Variants in CRB1 observed in about 807,000 individuals in gnomAD.
CRB1 encodes crumbs cell polarity complex component 1, also known as protein crumbs homolog 1.
In CRB1, 83 loss-of-function variants were observed where a neutral mutation model predicts 120.0. The ratio of observed to expected loss-of-function variants is 0.69; its 90% CI spans 0.58 to 0.83. The LOEUF (loss-of-function observed/expected upper bound fraction) is 0.83, where lower values mean the gene tolerates loss of function less well. Among genes scored for constraint, CRB1 ranks in the 40% least tolerant of loss-of-function variants. The pLI, the probability that CRB1 is intolerant of heterozygous loss-of-function variation, is 0.00. For synonymous variants in CRB1, 625 were observed against 612.5 expected (o/e 1.02, Z -0.30); for missense variants, 1,699 against 1,687.6 (o/e 1.01, Z -0.12).
chr1:197,362,368 A>G (rs1230462888), intron 5 of CRB1, among the ~76,000 whole-genome samples: 1 of 152,138 alleles, frequency 6.6e-6, no homozygotes, highest in Non-Finnish European at 1.5e-5. Flanking sequence ...ATATATGTCA[A>G]TTAAATCCCA....
At chr1:197,292,421 C>G (rs965672407) in intron 1 of CRB1, among the ~76,000 whole-genome samples, 9 of 151,140 alleles carry the variant, frequency 6.0e-5, no homozygotes, top group African/African-American at 2.2e-4. Flanking sequence ...TAATTAATAG[C>G]CTACCACCCA....
intron 1 of CRB1, among the ~76,000 whole-genome samples, chr1:197,278,991 G>C (rs569733225): frequency 1.6e-3 from 238 of 152,004 alleles, no homozygotes; most frequent in Non-Finnish European, 2.6e-3. Flanking sequence ...TTCACATGTA[G>C]ATAGAGGTAG....
At chr1:197,363,945 G>A in intron 5 of CRB1, 1 of 1,329,006 alleles carries the variant, frequency 7.5e-7, no homozygotes, top group Non-Finnish European at 1.1e-6. Flanking sequence ...AGCTTCGGCG[G>A]TATTATGAGA....
rs867200737 is a variant in CRB1 at position 197,435,400 on chromosome 1, T to C, written c.3537T>C (p.Asp1179=). 3 of 1,606,502 alleles carry C rather than the reference T, an allele frequency of 1.9e-6. No individual in the cohort carries two copies. The highest frequency in any genetic ancestry group is 1.7e-4 in the Middle Eastern group (1 of 6,014). The change falls in exon 9 of 12, where the codon GAT becomes GAC. Residue 1179 remains aspartate (D), a synonymous_variant. Transcript: ENST00000367400. ...GGAAACACTGTGAACTCAACATCGA[T>C]GAATGCTTTTCAAACCCCTGTATCC... ...WSGKHCELNI[D]ECFSNPCIHG...
chr1:197,203,556 C>T, the CRB1 span, among the ~76,000 whole-genome samples: 1 of 152,128 alleles, frequency 6.6e-6, no homozygotes, highest in Non-Finnish European at 1.5e-5. Context: ...AACTCCTGAC[C>T]TCAGGTGATC....
At position 197,429,479 on chromosome 1, in the gene CRB1, C is replaced by T. The variant is rs1664767629; in HGVS notation, c.2707C>T (p.His903Tyr). The change falls in exon 8 of 12, where the codon CAT becomes TAT. Residue 903 changes from histidine to tyrosine, a missense_variant. By Grantham distance (83) the His-to-Tyr change is moderately conservative. Coordinates refer to ENST00000367400, the MANE Select transcript of CRB1 (RefSeq NM_201253.3). ...SNPCHNGGVC[H>Y]SRWDDFSCSC... ...CCCCTGTCACAATGGAGGTGTTTGC[C>T]ATTCCCGGTGGGATGACTTCTCCTG... The T allele has an allele frequency of 2.5e-6, 4 of 1,613,846 alleles. No homozygotes were observed. The East Asian group carries it at 8.9e-5, about 36-fold the overall frequency.
chr1:197,298,568 T>A (rs1297907947), intron 1 of CRB1, among the ~76,000 whole-genome samples: 1 of 152,002 alleles, frequency 6.6e-6, no homozygotes, highest in East Asian at 1.9e-4. Flanking sequence ...TAACAAAGAA[T>A]AAAACTGGCT....
intron 1 of CRB1, among the ~76,000 whole-genome samples, chr1:197,275,775 G>A (rs1234379008): frequency 6.6e-6 from 1 of 151,824 alleles, no homozygotes; most frequent in Non-Finnish European, 1.5e-5. Context: ...TTCACAAACT[G>A]CATTCATTAC....
At chr1:197,249,404 G>T in the CRB1 span, among the ~76,000 whole-genome samples, 1 of 151,910 alleles carries the variant, frequency 6.6e-6, no homozygotes, top group African/African-American at 2.4e-5. Flanking sequence ...CATTTTGAAA[G>T]ATATGCATGC....
chr1:197,310,353 C>T (rs1269731602), intron 1 of CRB1, among the ~76,000 whole-genome samples: 1 of 152,124 alleles, frequency 6.6e-6, no homozygotes, highest in African/African-American at 2.4e-5. Flanking sequence ...TTCGCCCTCA[C>T]CAAACCTATG....
intron 5 of CRB1, chr1:197,413,784 C>A: frequency 2.7e-6 from 1 of 370,470 alleles, no homozygotes. Context: ...ACTGATCCAG[C>A]TTGGAGGGAA....
At chr1:197,222,731 T>C in the CRB1 span, 1 of 869,882 alleles carries the variant, frequency 1.1e-6, no homozygotes, top group East Asian at 2.4e-5. Flanking sequence ...ATTCTCTGAG[T>C]AGGAACAATG....
intron 2 of CRB1, among the ~76,000 whole-genome samples, chr1:197,329,598 A>G (rs1198536564): frequency 2.0e-5 from 3 of 152,238 alleles, no homozygotes; most frequent in African/African-American, 7.2e-5. Flanking sequence ...TTTTAATAAT[A>G]AAGTAACAAG....
chr1:197,222,759 C>G, the CRB1 span: 4 of 1,060,990 alleles, frequency 3.8e-6, no homozygotes, highest in Non-Finnish European at 5.9e-6. Context: ...CTTGCTCTTT[C>G]TTTCTGAACT....
Position 197,268,256 on chromosome 1 carries a change from C to G in CRB1, c.-157C>G. 1 of 691,724 alleles carries G rather than the reference C, an allele frequency of 1.4e-6. No individual in the cohort carries two copies. Among genetic ancestry groups the G allele is most frequent in the Non-Finnish European group, 2.7e-6 (1 of 375,078 alleles). 42.8% of individuals were successfully genotyped at this position (691,724 alleles called of 1,614,324 possible). On this transcript the variant is annotated 5_prime_UTR_variant, in exon 1 of 12. Coordinates refer to ENST00000367400, the MANE Select transcript of CRB1 (RefSeq NM_201253.3). ...ACAAACTGCATTTTGAATCTAAGTCCCTGTATTTTCTGTGAAGGAGCTGTA... is the reference window on the plus strand; with the variant it reads ...ACAAACTGCATTTTGAATCTAAGTCGCTGTATTTTCTGTGAAGGAGCTGTA...
intron 5 of CRB1, among the ~76,000 whole-genome samples, chr1:197,385,820 C>G (rs527404484): frequency 1.3e-5 from 2 of 151,908 alleles, no homozygotes; most frequent in Admixed American, 1.3e-4. Context: ...TTAAGATTCT[C>G]TTTTTAATGA....
At chr1:197,323,203 G>A (rs1052352351) in intron 1 of CRB1, among the ~76,000 whole-genome samples, 2 of 152,118 alleles carry the variant, frequency 1.3e-5, no homozygotes, top group Admixed American at 1.3e-4. Context: ...TTTTACAAAT[G>A]TCACTTTTTT....
At chr1:197,372,905 GTAGTGAGTT>G (rs1661448403) in intron 5 of CRB1, among the ~76,000 whole-genome samples, 1 of 152,096 alleles carries the variant, frequency 6.6e-6, no homozygotes, top group African/African-American at 2.4e-5. Context: ...GACAAATCCT[GTAGTGAGTT>G]TAGATTGTCA....
At chr1:197,361,326 T>G (rs1028912282) in intron 5 of CRB1, among the ~76,000 whole-genome samples, 1 of 152,140 alleles carries the variant, frequency 6.6e-6, no homozygotes, top group Non-Finnish European at 1.5e-5. Context: ...TGATGTTAAT[T>G]ATTCTTTAAA....
Sources: allele counts gnomAD v4.1 joint callset (sites outside exome capture counted in the v4.1 genomes callset), GRCh38; gene constraint gnomAD v4.1.1; transcripts MANE v1.5; gene names NCBI Gene and HGNC (gene_info 2026-07-23, HGNC 2026-07-21).